The following TAOK1 variants were observed in gnomAD, a reference collection of about 807,000 sequenced individuals.
TAOK1 encodes serine/threonine-protein kinase TAO1.
In TAOK1, 21 loss-of-function variants were observed where a neutral mutation model predicts 138.3. The ratio of observed to expected loss-of-function variants is 0.15; its 90% CI spans 0.11 to 0.22. The LOEUF (loss-of-function observed/expected upper bound fraction) is 0.22. Ranked by LOEUF, TAOK1 falls within the 10% of genes least tolerant of loss-of-function variation. The pLI is 1.00. For missense variants in TAOK1, 651 were observed against 1,227.7 expected (o/e 0.53, Z 7.02); for synonymous variants, 361 against 398.4 (o/e 0.91, Z 1.12).
chr17:29,425,692 A>AAAT (rs1905614023), intron 1 of TAOK1, among the ~76,000 whole-genome samples: 2 of 151,910 alleles, frequency 1.3e-5, no homozygotes, highest in African/African-American at 4.8e-5. Flanking sequence ...CAAACAAAAA[A>AAAT]ACCAAACTTT....
At position 29,525,699 on chromosome 17, in the gene TAOK1, A is replaced by G. The variant is rs1046440372; in HGVS notation, c.2148+3180A>G. Among the ~76,000 whole-genome samples, 3 of 152,082 alleles carry G rather than the reference A, an allele frequency of 2.0e-5. No individual in the cohort carries two copies. The South Asian group carries it at 6.3e-4, about 32-fold the overall frequency. The stretch of plus-strand genomic sequence containing the variant: ...CGTGAGCCACCGCGCCCAGCCCAGC[A>G]CAATGCTTTAAAAATAAAAACTTTT... On this transcript the variant is annotated intron_variant, in intron 17 of 19. Coordinates refer to ENST00000261716, the MANE Select transcript of TAOK1 (RefSeq NM_020791.4).
intron 13 of TAOK1, among the ~76,000 whole-genome samples, chr17:29,506,646 G>A (rs1167501883): frequency 7.2e-6 from 1 of 138,904 alleles, no homozygotes; most frequent in Non-Finnish European, 1.7e-5. Flanking sequence ...GATGCATAAG[G>A]TGATGGATAT....
intron 1 of TAOK1, among the ~76,000 whole-genome samples, chr17:29,408,479 C>A (rs1905056518): frequency 6.6e-6 from 1 of 151,960 alleles, no homozygotes; most frequent in African/African-American, 2.4e-5. Context: ...GCCTCCCAAA[C>A]TGTTGAGATT....
At chr17:29,429,263 T>C (rs1231505389) in intron 1 of TAOK1, among the ~76,000 whole-genome samples, 1 of 152,140 alleles carries the variant, frequency 6.6e-6, no homozygotes, top group Non-Finnish European at 1.5e-5. Context: ...AGAGTTCTTG[T>C]ATACCTTTCA....
chr17:29,505,472 C>T (rs1418678042), intron 13 of TAOK1, among the ~76,000 whole-genome samples: 1 of 152,144 alleles, frequency 6.6e-6, no homozygotes, highest in Non-Finnish European at 1.5e-5. Flanking sequence ...GAGGCCAAGG[C>T]AGGCAGATCA....
intron 1 of TAOK1, among the ~76,000 whole-genome samples, chr17:29,447,443 A>C (rs1271809712): frequency 1.3e-5 from 2 of 150,178 alleles, no homozygotes; most frequent in Non-Finnish European, 3.0e-5. Flanking sequence ...CAATTCTCCC[A>C]CCTCAGCCTC....
At position 29,477,822 on chromosome 17, in the gene TAOK1, T is replaced by C. The variant is rs1414831647; in HGVS notation, c.352+116T>C. 4 of 511,702 alleles carry C rather than the reference T, an allele frequency of 7.8e-6. No individual in the cohort carries two copies. The East Asian group carries it at 1.8e-4, about 23-fold the overall frequency. The allele number at this position is 511,702 out of a possible 1,614,324, so 31.7% of individuals were successfully genotyped here. A position where few individuals can be genotyped will look rare whatever the true frequency, so the allele number is the denominator to read the frequency against. On this transcript the variant is annotated intron_variant, in intron 5 of 19. Transcript: ENST00000261716. ...TAAAACTTTCCAGAAAGAGCAGAAC[T>C]CTTAGTCTTGTTCAAATTCTCAGCA...
intron 2 of TAOK1, among the ~76,000 whole-genome samples, chr17:29,455,785 G>T (rs1484052591): frequency 2.0e-5 from 3 of 149,580 alleles, no homozygotes; most frequent in African/African-American, 7.6e-5. Flanking sequence ...GATTTTGTTA[G>T]TTTAAATCAC....
At chr17:29,446,884 G>A (rs900951972) in intron 1 of TAOK1, among the ~76,000 whole-genome samples, 7 of 151,158 alleles carry the variant, frequency 4.6e-5, no homozygotes, top group South Asian at 2.1e-4. Flanking sequence ...GATTACAGGC[G>A]TGCACCACTA....
chr17:29,422,140 A>G (rs941667508), intron 1 of TAOK1, among the ~76,000 whole-genome samples: 2 of 150,582 alleles, frequency 1.3e-5, no homozygotes, highest in African/African-American at 2.5e-5. Flanking sequence ...CTCGTGATCC[A>G]CCCGCCTCGG....
intron 3 of TAOK1, among the ~76,000 whole-genome samples, chr17:29,470,370 A>G (rs116999970): frequency 0.015 from 2,283 of 152,276 alleles, 31 homozygotes; most frequent in South Asian, 0.045. Context: ...GAACTTTTAT[A>G]TATAATAGCT....
At chr17:29,499,620 C>T (rs1235235065) in intron 12 of TAOK1, among the ~76,000 whole-genome samples, 1 of 145,150 alleles carries the variant, frequency 6.9e-6, no homozygotes, top group East Asian at 2.1e-4. Flanking sequence ...AGTGCAGTGG[C>T]GCAATCTCGG....
intron 1 of TAOK1, among the ~76,000 whole-genome samples, chr17:29,393,950 G>C (rs1430745931): frequency 6.6e-6 from 1 of 152,012 alleles, no homozygotes. Flanking sequence ...TCGATTTTGG[G>C]AGAAGTGAGG....
intron 1 of TAOK1, among the ~76,000 whole-genome samples, chr17:29,437,524 G>A (rs1906072096): frequency 1.3e-5 from 2 of 152,040 alleles, no homozygotes; most frequent in South Asian, 4.1e-4. Context: ...TGGTTTTATA[G>A]AGTATATTTA....
intron 8 of TAOK1, among the ~76,000 whole-genome samples, chr17:29,484,398 G>T (rs2031125120): frequency 6.6e-6 from 1 of 152,162 alleles, no homozygotes; most frequent in African/African-American, 2.4e-5. Flanking sequence ...ATGGTTCTAG[G>T]TGAAAGGTCT....
intron 6 of TAOK1, among the ~76,000 whole-genome samples, chr17:29,479,023 G>A (rs2031003014): frequency 6.6e-6 from 1 of 152,080 alleles, no homozygotes; most frequent in African/African-American, 2.4e-5. Flanking sequence ...TACTCGTGAG[G>A]CTGAGAGAAG....
At position 29,549,059 on chromosome 17, in the gene TAOK1, T is replaced by TTTATG. The variant is rs2032448169; in HGVS notation, c.*6039_*6043dup. 6.6e-6 allele frequency: 1 copy of TTTATG among 152,206 alleles called. No homozygotes were observed. The highest frequency in any genetic ancestry group is 1.5e-5 in the Non-Finnish European group (1 of 68,022). 9.4% of individuals were successfully genotyped at this position (152,206 alleles called of 1,614,324 possible). A position where few individuals can be genotyped will look rare whatever the true frequency, so the allele number is the denominator to read the frequency against. Reference sequence around the variant, plus strand: ...TCTATAAAGTGCAAGTGTTTTAATGTTTATGTAAATTATGCAGGTGATAAC... The same window carrying TTTATG: ...TCTATAAAGTGCAAGTGTTTTAATGTTTATGTTATGTAAATTATGCAGGTGATAAC... On this transcript the variant is annotated 3_prime_UTR_variant, in exon 20 of 20. Coordinates refer to ENST00000261716, the MANE Select transcript of TAOK1 (RefSeq NM_020791.4).
chr17:29,537,656 G>A (rs2150776734), intron 19 of TAOK1, among the ~76,000 whole-genome samples: 1 of 151,950 alleles, frequency 6.6e-6, no homozygotes. Flanking sequence ...TGCGCCTGGA[G>A]TTGTATATTT....
intron 1 of TAOK1, among the ~76,000 whole-genome samples, chr17:29,397,607 C>CCCCCAAAAA (rs60665025): frequency 4.2e-5 from 4 of 94,612 alleles, no homozygotes; most frequent in South Asian, 3.3e-4. Context: ...CGTCCCCCCC[C>CCCCCAAAAA]AAAAAAATAT....
Sources: allele counts gnomAD v4.1 joint callset (sites outside exome capture counted in the v4.1 genomes callset), GRCh38; gene constraint gnomAD v4.1.1; transcripts MANE v1.5; gene names NCBI Gene and HGNC (gene_info 2026-07-23, HGNC 2026-07-21).